Variants in PLD5 observed in about 807,000 individuals in gnomAD.
PLD5 encodes the protein phospholipase D family member 5.
Under a neutral mutation model 61.1 loss-of-function variants are expected in PLD5, and 36 were observed. The ratio of observed to expected loss-of-function variants is 0.59; its 90% confidence interval spans 0.45 to 0.78. The LOEUF (loss-of-function observed/expected upper bound fraction) is 0.78, where lower values mean the gene tolerates loss of function less well. PLD5 is among the 30% of genes least tolerant of loss of function. The pLI is 0.00. For missense variants in PLD5, 515 were observed against 644.4 expected (o/e 0.80, Z 2.17); for synonymous variants, 243 against 242.8 (o/e 1.00, Z -0.01).
chr1:242,158,629 C>T (rs1273996522), intron 5 of PLD5, among the ~76,000 whole-genome samples: 1 of 152,132 alleles, frequency 6.6e-6, no homozygotes, highest in Non-Finnish European at 1.5e-5. Context: ...TTCAGCTCAC[C>T]CTCCATGGGC....
At chr1:242,171,213 G>T (rs1666726588) in intron 5 of PLD5, among the ~76,000 whole-genome samples, 1 of 152,206 alleles carries the variant, frequency 6.6e-6, no homozygotes. Flanking sequence ...CTACAAGCCA[G>T]AAGAGAGTGG....
rs142382112 is a variant in PLD5 at position 242,300,451 on chromosome 1, G to GAAGA, written c.327-11925_327-11922dup. Among the ~76,000 whole-genome samples the GAAGA allele has an allele frequency of 1.7e-3, 248 of 149,730 alleles. 3 individuals carry two copies. The highest frequency in any genetic ancestry group is 5.7e-3 in the African/African-American group (230 of 40,580). On this transcript the variant is annotated intron_variant, in intron 2 of 9. Coordinates refer to ENST00000536534, the MANE Select transcript of PLD5 (RefSeq NM_001372062.1). ...GGTGGCGGGAGAGGAGGAGGAGGAA[G>GAAGA]AAGAAAGAAAGAAAGAAAGAAAGAA...
intron 4 of PLD5, among the ~76,000 whole-genome samples, chr1:242,225,188 A>G (rs1343889924): frequency 6.6e-6 from 1 of 151,866 alleles, no homozygotes; most frequent in African/African-American, 2.4e-5. Flanking sequence ...TATGGAATGC[A>G]TCACAAATAG....
chr1:242,461,389 C>T (rs916887482), intron 1 of PLD5, among the ~76,000 whole-genome samples: 11 of 152,048 alleles, frequency 7.2e-5, no homozygotes, highest in Non-Finnish European at 1.3e-4. Context: ...TATAGTATGC[C>T]GTAGCTGGTT....
At chr1:242,307,058 T>C (rs1285999316) in intron 2 of PLD5, among the ~76,000 whole-genome samples, 1 of 152,196 alleles carries the variant, frequency 6.6e-6, no homozygotes, top group Non-Finnish European at 1.5e-5. Context: ...GGTGAGAGAT[T>C]TGAAAAGTCA....
At chr1:242,143,437 T>C (rs1375864868) in intron 5 of PLD5, among the ~76,000 whole-genome samples, 1 of 152,164 alleles carries the variant, frequency 6.6e-6, no homozygotes, top group African/African-American at 2.4e-5. Flanking sequence ...GTTTGATTGG[T>C]GAATGACTGG....
At chr1:242,252,353 C>A (rs3001668) in intron 4 of PLD5, among the ~76,000 whole-genome samples, 1,557 of 152,222 alleles carry the variant, frequency 0.01, 23 homozygotes, top group African/African-American at 0.036. Context: ...CTTACTCACT[C>A]ATGAGGATAA....
At chr1:242,338,127 C>G (rs143555987) in intron 2 of PLD5, among the ~76,000 whole-genome samples, 1 of 152,140 alleles carries the variant, frequency 6.6e-6, no homozygotes, top group Non-Finnish European at 1.5e-5. Flanking sequence ...TCAGTATAGT[C>G]TTTGTGACCA....
chr1:242,354,306 C>T (rs183521686), intron 1 of PLD5, among the ~76,000 whole-genome samples: 2 of 152,046 alleles, frequency 1.3e-5, no homozygotes, highest in South Asian at 2.1e-4. Context: ...AATAATCCAC[C>T]CTGAATTTGC....
chr1:242,225,144 T>C (rs1670848851), intron 4 of PLD5, among the ~76,000 whole-genome samples: 1 of 152,202 alleles, frequency 6.6e-6, no homozygotes. Context: ...TGTGGAACAG[T>C]GGTTTCTCTT....
intron 5 of PLD5, among the ~76,000 whole-genome samples, chr1:242,181,061 T>TC (rs1667487340): frequency 6.6e-6 from 1 of 152,132 alleles, no homozygotes; most frequent in Non-Finnish European, 1.5e-5. Context: ...GCAGCTGCTG[T>TC]CCCTGGTCTA....
chr1:242,110,526 G>A (rs1661399665), intron 7 of PLD5, among the ~76,000 whole-genome samples: 1 of 152,014 alleles, frequency 6.6e-6, no homozygotes, highest in African/African-American at 2.4e-5. Flanking sequence ...TTTGTTGACT[G>A]AAGCCAGGCG....
At chr1:242,454,479 AAG>A (rs1491058219) in intron 1 of PLD5, among the ~76,000 whole-genome samples, 3 of 152,182 alleles carry the variant, frequency 2.0e-5, no homozygotes, top group South Asian at 2.1e-4. Context: ...AGGAAAAAAA[AAG>A]AAAAAAATGA....
intron 5 of PLD5, among the ~76,000 whole-genome samples, chr1:242,208,260 T>C (rs974111425): frequency 2.0e-5 from 3 of 151,932 alleles, no homozygotes; most frequent in African/African-American, 7.3e-5. Context: ...TCATTTAAGG[T>C]GCAGCTCAAA....
intron 6 of PLD5, among the ~76,000 whole-genome samples, chr1:242,119,916 T>C (rs1662235441): frequency 6.6e-6 from 1 of 152,142 alleles, no homozygotes. Context: ...GAAATAGTAG[T>C]AGTACAAATG....
intron 4 of PLD5, among the ~76,000 whole-genome samples, chr1:242,251,870 T>C (rs1404966274): frequency 1.3e-5 from 2 of 152,122 alleles, no homozygotes; most frequent in Non-Finnish European, 2.9e-5. Flanking sequence ...GATAACCTCC[T>C]GAGGTTGAAG....
At chr1:242,229,380 A>G (rs1272130538) in intron 4 of PLD5, among the ~76,000 whole-genome samples, 6 of 152,218 alleles carry the variant, frequency 3.9e-5, no homozygotes, top group African/African-American at 1.2e-4. Flanking sequence ...AATGTATGTA[A>G]CTTATAAGTA....
At chr1:242,447,051 A>AT (rs1205527106) in intron 1 of PLD5, among the ~76,000 whole-genome samples, 4 of 152,156 alleles carry the variant, frequency 2.6e-5, no homozygotes, top group African/African-American at 4.8e-5. Context: ...AAGAATGGGG[A>AT]TTACTAAAGG....
rs670064 is a variant in PLD5, at chr1:242,276,448, A to G, written c.496-11000T>C. Among the ~76,000 whole-genome samples the G allele has an allele frequency of 3.0e-3, 16 of 5,408 alleles. 6 individuals carry two copies. In the Admixed American group the frequency reaches 0.037, roughly 12 times the overall value. The allele number at this position is 5,408 out of a possible 152,430, so 3.5% of individuals were successfully genotyped here. ...TATATACACAAATTATATATATATG[A>G]ATATATATGAATATTTATAAATTGG... On this transcript the variant is annotated intron_variant, in intron 3 of 9. Coordinates refer to ENST00000536534, the MANE Select transcript of PLD5 (RefSeq NM_001372062.1).
Sources: gnomAD v4.1 joint callset for allele counts (sites outside exome capture counted in the v4.1 genomes callset) on GRCh38, gnomAD v4.1.1 for gene constraint, MANE v1.5 for transcripts, NCBI Gene and HGNC (gene_info 2026-07-23, HGNC 2026-07-21) for gene names.